The following AFG2A variants were observed in gnomAD, a reference collection of about 807,000 sequenced individuals.
AFG2A encodes the protein ATPase family gene 2 protein homolog A.
the AFG2A span, among the ~76,000 whole-genome samples, chr4:123,290,651 T>C: frequency 6.6e-6 from 1 of 152,194 alleles, no homozygotes; most frequent in Admixed American, 6.6e-5. Flanking sequence ...AATTCACATC[T>C]TAAATGGATG....
chr4:122,979,284 C>T, the AFG2A span: 1 of 1,614,200 alleles, frequency 6.2e-7, no homozygotes, highest in Non-Finnish European at 8.5e-7. Context: ...TCCCTGATGT[C>T]AAGGTGGCTG....
At chr4:122,956,147 C>T in the AFG2A span, among the ~76,000 whole-genome samples, 1 of 152,066 alleles carries the variant, frequency 6.6e-6, no homozygotes, top group African/African-American at 2.4e-5. Flanking sequence ...GATTTGTAAA[C>T]AACTACAAAT....
At chr4:123,062,160 A>C in the AFG2A span, among the ~76,000 whole-genome samples, 1 of 152,204 alleles carries the variant, frequency 6.6e-6, no homozygotes, top group African/African-American at 2.4e-5. Context: ...AACTTTTCAG[A>C]GAACACATGT....
chr4:123,246,600 C>T, the AFG2A span, among the ~76,000 whole-genome samples: 3 of 152,110 alleles, frequency 2.0e-5, no homozygotes, highest in African/African-American at 7.2e-5. Context: ...TTTTTCATGA[C>T]ATGTCACACA....
At chr4:123,017,218 A>G in the AFG2A span, among the ~76,000 whole-genome samples, 4 of 109,998 alleles carry the variant, frequency 3.6e-5, no homozygotes, top group Admixed American at 8.9e-5. Context: ...AGAGAGAGGG[A>G]GAGGGGGGAG....
At chr4:123,040,297 G>A in the AFG2A span, among the ~76,000 whole-genome samples, 2 of 151,978 alleles carry the variant, frequency 1.3e-5, no homozygotes, top group East Asian at 3.9e-4. Flanking sequence ...CATTTTTGAT[G>A]ACTTTTGATC....
At chr4:122,960,320 A>G in the AFG2A span, among the ~76,000 whole-genome samples, 1 of 152,332 alleles carries the variant, frequency 6.6e-6, no homozygotes, top group Non-Finnish European at 1.5e-5. Context: ...TTGGGAAAAC[A>G]TGAAATATTA....
chr4:123,154,329 A>G, the AFG2A span, among the ~76,000 whole-genome samples: 2 of 152,302 alleles, frequency 1.3e-5, no homozygotes, highest in East Asian at 1.9e-4. Context: ...ATACATGACA[A>G]TATTGCCACA....
At chr4:122,961,368 A>T in the AFG2A span, among the ~76,000 whole-genome samples, 5 of 152,238 alleles carry the variant, frequency 3.3e-5, no homozygotes, top group Non-Finnish European at 7.3e-5. Flanking sequence ...CCTAGTATAA[A>T]AGATAGGGAA....
chr4:123,299,249 A>G, the AFG2A span, among the ~76,000 whole-genome samples: 2 of 152,162 alleles, frequency 1.3e-5, no homozygotes, highest in African/African-American at 4.8e-5. Flanking sequence ...AAGAATTTCT[A>G]CTGGCTCTCA....
the AFG2A span, among the ~76,000 whole-genome samples, chr4:123,290,952 T>G: frequency 6.6e-6 from 1 of 152,172 alleles, no homozygotes; most frequent in Non-Finnish European, 1.5e-5. Context: ...CTAAGAGCAT[T>G]TGTTTTATGA....
the AFG2A span, among the ~76,000 whole-genome samples, chr4:122,940,467 T>G: frequency 6.2e-4 from 95 of 152,316 alleles, no homozygotes; most frequent in Non-Finnish European, 4.0e-4. Context: ...TTGCCCACTT[T>G]TTGATGGGGT....
the AFG2A span, among the ~76,000 whole-genome samples, chr4:123,195,959 C>T: frequency 1.3e-5 from 2 of 151,800 alleles, no homozygotes; most frequent in Admixed American, 6.6e-5. Flanking sequence ...TCAAATCTTC[C>T]TCATCCTTCC....
chr4:122,967,762 T>G, the AFG2A span, among the ~76,000 whole-genome samples: 1 of 152,112 alleles, frequency 6.6e-6, no homozygotes, highest in East Asian at 1.9e-4. Flanking sequence ...CTTGGCCTCC[T>G]GAAGTGCTGG....
chr4:123,263,716 G>C, the AFG2A span, among the ~76,000 whole-genome samples: 1 of 152,116 alleles, frequency 6.6e-6, no homozygotes, highest in Non-Finnish European at 1.5e-5. Context: ...AATAATAGAT[G>C]TTGGCGTGGA....
chr4:123,290,620 T>C, the AFG2A span, among the ~76,000 whole-genome samples: 1 of 152,208 alleles, frequency 6.6e-6, no homozygotes, highest in African/African-American at 2.4e-5. Flanking sequence ...CTCACAATCA[T>C]GGTGGAAGGC....
the AFG2A span, among the ~76,000 whole-genome samples, chr4:123,199,231 G>C: frequency 2.6e-5 from 4 of 152,160 alleles, no homozygotes; most frequent in Admixed American, 2.0e-4. Flanking sequence ...CATAGACATA[G>C]AGCCTGGTTA....
chr4:123,039,047 A>G, the AFG2A span, among the ~76,000 whole-genome samples: 1,832 of 152,178 alleles, frequency 0.012, 41 homozygotes, highest in African/African-American at 0.041. Flanking sequence ...CTTAGCAGAG[A>G]AAAAAATCAT....
chr4:123,294,987 C>A, the AFG2A span, among the ~76,000 whole-genome samples: 9 of 152,158 alleles, frequency 5.9e-5, no homozygotes, highest in Non-Finnish European at 8.8e-5. Context: ...CCTAATTTTC[C>A]TATTATCACT....
Sources: allele counts gnomAD v4.1 joint callset (sites outside exome capture counted in the v4.1 genomes callset), GRCh38; gene constraint gnomAD v4.1.1; transcripts MANE v1.5; gene names NCBI Gene and HGNC (gene_info 2026-07-23, HGNC 2026-07-21).